The following LDHC variants were observed in gnomAD, a reference collection of about 807,000 sequenced individuals.
LDHC encodes L-lactate dehydrogenase C chain.
In LDHC, 20 loss-of-function variants were observed where a neutral mutation model predicts 30.2. The observed-to-expected ratio is 0.66, with a 90% CI of 0.47 to 0.96. The LOEUF is 0.96. Among genes scored for constraint, LDHC ranks in the 40% least tolerant of loss-of-function variants. The pLI, the probability that LDHC is intolerant of heterozygous loss-of-function variation, is 0.00. For missense variants in LDHC, 362 were observed against 394.9 expected (o/e 0.92, Z 0.71); for synonymous variants, 139 against 132.7 (o/e 1.05, Z -0.32).
At chr11:18,435,534 C>T (rs1016850549) in intron 5 of LDHC, among the ~76,000 whole-genome samples, 1 of 151,940 alleles carries the variant, frequency 6.6e-6, no homozygotes, top group Non-Finnish European at 1.5e-5. Flanking sequence ...GCTTCCTGTA[C>T]AGCTTGCAGA....
intron 6 of LDHC, among the ~76,000 whole-genome samples, chr11:18,440,144 CAAA>C (rs35749455): frequency 1.2e-5 from 1 of 83,036 alleles, no homozygotes; most frequent in African/African-American, 4.1e-5. Flanking sequence ...TACTAAAATA[CAAA>C]AAAAAAAAAA....
chr11:18,428,493 C>T (rs1848204877), intron 3 of LDHC, among the ~76,000 whole-genome samples: 1 of 151,888 alleles, frequency 6.6e-6, no homozygotes, highest in Admixed American at 6.6e-5. Context: ...CATGAAAAGT[C>T]GAGATGAGAT....
intron 3 of LDHC, among the ~76,000 whole-genome samples, chr11:18,425,177 G>GA (rs959633747): frequency 3.4e-5 from 5 of 146,322 alleles, no homozygotes; most frequent in African/African-American, 7.8e-5. Context: ...TAAATTTGGG[G>GA]ATTTTTTTTT....
intron 6 of LDHC, among the ~76,000 whole-genome samples, chr11:18,443,268 A>C (rs1009119509): frequency 6.6e-6 from 1 of 152,204 alleles, no homozygotes; most frequent in East Asian, 1.9e-4. Flanking sequence ...CAATAAATGC[A>C]GGGATCTAAC....
At chr11:18,422,966 G>A (rs533338351) in intron 3 of LDHC, among the ~76,000 whole-genome samples, 1 of 150,338 alleles carries the variant, frequency 6.7e-6, no homozygotes, top group Non-Finnish European at 1.5e-5. Flanking sequence ...TGGGTGACAT[G>A]TCTCAAAAAA....
At chr11:18,445,020 A>G (rs182708943) in intron 6 of LDHC, among the ~76,000 whole-genome samples, 1 of 152,276 alleles carries the variant, frequency 6.6e-6, no homozygotes, top group Admixed American at 6.5e-5. Flanking sequence ...TATATTTTTT[A>G]CAAGCCAGAG....
intron 4 of LDHC, among the ~76,000 whole-genome samples, chr11:18,430,554 G>A (rs905135073): frequency 6.6e-6 from 1 of 152,102 alleles, no homozygotes; most frequent in African/African-American, 2.4e-5. Context: ...TAGAAGTGGG[G>A]TTTCACTATT....
At chr11:18,449,885 C>T (rs775845396) in intron 7 of LDHC, among the ~76,000 whole-genome samples, 1 of 152,174 alleles carries the variant, frequency 6.6e-6, no homozygotes. Flanking sequence ...GGAGCCTCCC[C>T]TCTTCCTTCA....
rs1313237879 is a variant in LDHC at position 18,446,210 on chromosome 11, T to C, written c.711T>C (p.Ser237=). 9 of 1,599,014 alleles carry C rather than the reference T, an allele frequency of 5.6e-6. No individual in the cohort carries two copies. The East Asian group carries it at 2.0e-4, about 36-fold the overall frequency. The change falls in exon 7 of 8, where the codon AGT becomes AGC. Residue 237 remains serine, a splice_region_variant and synonymous_variant. Coordinates refer to ENST00000541669, the MANE Select transcript of LDHC (RefSeq NM_017448.5). ...ATTTTCTTACTTTCTACAACTGTAG[T>C]GCCTATGAAATTATCAAGCTGAAGG... is the stretch of plus-strand genomic sequence containing the variant. ...WKNIHKQVIQ[S]AYEIIKLKGY...
intron 6 of LDHC, among the ~76,000 whole-genome samples, chr11:18,439,811 TAAAAAAAAAAAAA>T (rs71047596): frequency 3.1e-5 from 2 of 64,192 alleles, no homozygotes. Flanking sequence ...CCGTCTCTAC[TAAAAAAAAAAAAA>T]AAAAAAAAAA....
chr11:18,427,615 G>A (rs1848183658), intron 3 of LDHC, among the ~76,000 whole-genome samples: 1 of 151,658 alleles, frequency 6.6e-6, no homozygotes, highest in South Asian at 2.1e-4. Flanking sequence ...ACAGGATCAG[G>A]GCACCTGGAA....
intron 2 of LDHC, 118 bp downstream of exon 2, chr11:18,412,961 C>A (rs1486743268): frequency 8.9e-6 from 6 of 675,044 alleles, no homozygotes; most frequent in Non-Finnish European, 8.8e-6. Flanking sequence ...TATCCTTTGA[C>A]CTTTCCTCCC....
rs1848549108 is a variant in LDHC at position 18,446,125 on chromosome 11, C to T, written c.711-85C>T. On this transcript the variant is annotated intron_variant, in intron 6 of 7. Transcript: ENST00000541669. Reference sequence around the variant, plus strand: ...TACAATTGCATTGACATGTAGATAACTTTAAAATGGATGCTTGAAGAATAT... The same window carrying T: ...TACAATTGCATTGACATGTAGATAATTTTAAAATGGATGCTTGAAGAATAT... The T allele has an allele frequency of 2.5e-6, 3 of 1,186,952 alleles. No homozygotes were observed. In the African/African-American group the frequency reaches 4.6e-5, roughly 18 times the overall value. 73.5% of individuals were successfully genotyped at this position (1,186,952 alleles called of 1,614,324 possible).
intron 2 of LDHC, among the ~76,000 whole-genome samples, chr11:18,413,598 G>A (rs1866944989): frequency 6.6e-6 from 1 of 151,924 alleles, no homozygotes; most frequent in East Asian, 1.9e-4. Context: ...GAGTAGCTGG[G>A]ACTACAGGCA....
chr11:18,417,909 G>A (rs1867052616), intron 3 of LDHC, among the ~76,000 whole-genome samples: 1 of 152,072 alleles, frequency 6.6e-6, no homozygotes, highest in African/African-American at 2.4e-5. Flanking sequence ...TCTCCATTGT[G>A]CCTGTAGCCC....
At chr11:18,427,974 G>A (rs1032597833) in intron 3 of LDHC, among the ~76,000 whole-genome samples, 11 of 151,856 alleles carry the variant, frequency 7.2e-5, no homozygotes, top group Admixed American at 4.6e-4. Context: ...ACTGTGCCTG[G>A]CCAGAAATGT....
At chr11:18,416,875 T>G (rs867784959) in intron 3 of LDHC, among the ~76,000 whole-genome samples, 9 of 150,706 alleles carry the variant, frequency 6.0e-5, no homozygotes, top group African/African-American at 1.5e-4. Flanking sequence ...CAGATTGGAG[T>G]GGCTATTTAT....
chr11:18,452,049 T>C lies in LDHC; in HGVS notation c.*922T>C, dbSNP rs1270919806. On this transcript the variant is annotated 3_prime_UTR_variant, in exon 8 of 8. Coordinates refer to ENST00000541669, the MANE Select transcript of LDHC (RefSeq NM_017448.5). ...TTCAACTCTGCAAGTATTATACTAG[T>C]CATATAAACTCAAATAGTTGATTTG... 1 of 152,208 alleles carries C rather than the reference T, an allele frequency of 6.6e-6. No individual in the cohort carries two copies. Among genetic ancestry groups the C allele is most frequent in the Non-Finnish European group, 1.5e-5 (1 of 68,040 alleles). 9.4% of individuals were successfully genotyped at this position (152,208 alleles called of 1,614,324 possible). A position where few individuals can be genotyped will look rare whatever the true frequency, so the allele number is the denominator to read the frequency against.
At chr11:18,432,532 G>C (rs1848285797) in intron 4 of LDHC, among the ~76,000 whole-genome samples, 1 of 152,098 alleles carries the variant, frequency 6.6e-6, no homozygotes, top group African/African-American at 2.4e-5. Flanking sequence ...TTTCTGTCTT[G>C]ATGACCTGTC....
Sources: allele counts gnomAD v4.1 joint callset (sites outside exome capture counted in the v4.1 genomes callset), GRCh38; gene constraint gnomAD v4.1.1; transcripts MANE v1.5; gene names NCBI Gene and HGNC (gene_info 2026-07-23, HGNC 2026-07-21).